Variants in GNB4 observed in about 807,000 individuals in gnomAD.
GNB4 encodes G protein subunit beta 4.
A neutral mutation model predicts 45.2 loss-of-function variants in GNB4; 28 were observed. The ratio of observed to expected loss-of-function variants is 0.62; its 90% CI spans 0.46 to 0.85. The LOEUF (loss-of-function observed/expected upper bound fraction) is 0.85. Ranked by LOEUF, GNB4 falls within the 40% of genes least tolerant of loss-of-function variation. GNB4 has a pLI of 0.00. For synonymous variants in GNB4, 132 were observed against 143.7 expected, an observed-to-expected ratio of 0.92 and a Z score of 0.58; for missense variants, 321 against 425.4, an observed-to-expected ratio of 0.75 and a Z score of 2.16.
chr3:179,401,885 G>C (rs943205218), intron 9 of GNB4, among the ~76,000 whole-genome samples: 3 of 152,094 alleles, frequency 2.0e-5, no homozygotes, highest in Non-Finnish European at 4.4e-5. Flanking sequence ...AACTCATCTA[G>C]TTTTCATTTC....
At chr3:179,476,433 TC>T in the GNB4 span, among the ~76,000 whole-genome samples, 1 of 152,220 alleles carries the variant, frequency 6.6e-6, no homozygotes, top group African/African-American at 2.4e-5. Flanking sequence ...GGAGTCTTGT[TC>T]CTGCAGCTCT....
Position 179,400,873 on chromosome 3 carries a change from T to C in GNB4, c.*340A>G. 5.7e-6 allele frequency: 1 copy of C among 176,208 alleles called. No individual in the cohort carries two copies. Among genetic ancestry groups the C allele is most frequent in the Non-Finnish European group, 1.2e-5 (1 of 84,450 alleles). The allele number at this position is 176,208 out of a possible 1,614,324, so 10.9% of individuals were successfully genotyped here. A position where few individuals can be genotyped will look rare whatever the true frequency, so the allele number is the denominator to read the frequency against. On this transcript the variant is annotated 3_prime_UTR_variant, in exon 10 of 10. Coordinates refer to ENST00000232564, the MANE Select transcript of GNB4 (RefSeq NM_021629.4). ...TCTTGTGTATACAAAGTTAAAAATG[T>C]ACTTCTTAAAAAATGCAAACACAAT...
chr3:179,470,789 T>C, the GNB4 span, among the ~76,000 whole-genome samples: 1 of 152,074 alleles, frequency 6.6e-6, no homozygotes, highest in Non-Finnish European at 1.5e-5. Flanking sequence ...CAAGAAAATA[T>C]TTTTATATAG....
At chr3:179,519,778 C>T in the GNB4 span, among the ~76,000 whole-genome samples, 35 of 152,204 alleles carry the variant, frequency 2.3e-4, no homozygotes, top group Non-Finnish European at 4.0e-4. Flanking sequence ...ACTCCCTCCT[C>T]GGCAACCGAT....
At chr3:179,521,598 T>C in the GNB4 span, among the ~76,000 whole-genome samples, 9 of 152,170 alleles carry the variant, frequency 5.9e-5, no homozygotes, top group Non-Finnish European at 1.0e-4. Context: ...ACGCTGCCAG[T>C]TTACACTGTT....
At chr3:179,526,122 G>A in the GNB4 span, among the ~76,000 whole-genome samples, 1 of 152,218 alleles carries the variant, frequency 6.6e-6, no homozygotes. Flanking sequence ...GAAAATTACA[G>A]TCAAAAGGGG....
upstream of GNB4, among the ~76,000 whole-genome samples, chr3:179,455,985 C>T (rs1715970368): frequency 6.6e-6 from 1 of 152,118 alleles, no homozygotes; most frequent in Middle Eastern, 3.2e-3. Context: ...AGCAAGTGTT[C>T]CAAGAGAACA....
chr3:179,454,349 A>G (rs1715946637), upstream of GNB4, among the ~76,000 whole-genome samples: 1 of 152,234 alleles, frequency 6.6e-6, no homozygotes, highest in African/African-American at 2.4e-5. Context: ...CCACGAACAA[A>G]TAAATGAGTG....
At chr3:179,451,167 T>A (rs1715863174) in intron 1 of GNB4, 179 bp downstream of exon 1, 3 of 151,768 alleles carry the variant, frequency 2.0e-5, no homozygotes, top group Admixed American at 2.0e-4. Flanking sequence ...AGGCGCGCCC[T>A]CCTCGTCCCT....
intron 8 of GNB4, among the ~76,000 whole-genome samples, chr3:179,409,578 G>A (rs1011624524): frequency 1.3e-5 from 2 of 151,702 alleles, no homozygotes; most frequent in East Asian, 1.9e-4. Context: ...TTGGGAGGCC[G>A]AGGCAGGCAG....
At chr3:179,504,612 A>G in the GNB4 span, among the ~76,000 whole-genome samples, 487 of 152,318 alleles carry the variant, frequency 3.2e-3, 2 homozygotes, top group African/African-American at 0.011. Context: ...CTCTGCAGGT[A>G]TTTGGAGGAC....
At chr3:179,521,156 C>T in the GNB4 span, among the ~76,000 whole-genome samples, 13 of 152,116 alleles carry the variant, frequency 8.5e-5, no homozygotes, top group East Asian at 1.9e-4. Flanking sequence ...TCTAAGAAGG[C>T]GACCGTGGTC....
the GNB4 span, among the ~76,000 whole-genome samples, chr3:179,507,901 C>T: frequency 2.7e-3 from 418 of 152,304 alleles, 4 homozygotes; most frequent in African/African-American, 9.9e-3. Context: ...GCACAAAAAA[C>T]GTTGATGTTA....
Position 179,439,601 on chromosome 3 carries a change from A to G in GNB4, c.-43+11745T>C, listed in dbSNP as rs969640955. ...AGCTTATCTTCACAGGCGTGGGGAC[A>G]TAGGACAGGACTCAAAATCATCCCT... On this transcript the variant is annotated intron_variant, in intron 1 of 9. Transcript: ENST00000232564. Among the ~76,000 whole-genome samples the G allele has an allele frequency of 2.6e-5, 4 of 152,250 alleles. No individual in the cohort carries two copies. The East Asian group carries it at 5.8e-4, about 22-fold the overall frequency.
the GNB4 span, among the ~76,000 whole-genome samples, chr3:179,513,632 C>G: frequency 2.6e-5 from 4 of 152,154 alleles, no homozygotes; most frequent in Admixed American, 2.6e-4. Context: ...CAAAGCCCTC[C>G]TTTTTTATTT....
At chr3:179,428,150 GTATT>G (rs1715200482) in intron 1 of GNB4, among the ~76,000 whole-genome samples, 1 of 152,086 alleles carries the variant, frequency 6.6e-6, no homozygotes, top group Non-Finnish European at 1.5e-5. Flanking sequence ...AATTCACTTT[GTATT>G]TATTTTGTCC....
chr3:179,486,548 T>C, the GNB4 span, among the ~76,000 whole-genome samples: 4 of 152,180 alleles, frequency 2.6e-5, no homozygotes, highest in Non-Finnish European at 4.4e-5. Context: ...AGAATATCCC[T>C]GACATCTCTT....
In GNB4 at chr3:179,400,847, T is replaced by C. The variant is rs1714274457; in HGVS notation, c.*366A>G. 6.3e-6 allele frequency: 1 copy of C among 160,000 alleles called. No individual in the cohort carries two copies. Among genetic ancestry groups the C allele is most frequent in the East Asian group, 1.8e-4 (1 of 5,570 alleles). The allele number at this position is 160,000 out of a possible 1,614,324, so 9.9% of individuals were successfully genotyped here. The stretch of plus-strand genomic sequence containing the variant: ...ATTACAAAACTCAAAAATATGACAT[T>C]TCTTGTGTATACAAAGTTAAAAATG... On this transcript the variant is annotated 3_prime_UTR_variant, in exon 10 of 10. Coordinates refer to ENST00000232564, the MANE Select transcript of GNB4 (RefSeq NM_021629.4).
the GNB4 span, among the ~76,000 whole-genome samples, chr3:179,481,958 A>G: frequency 6.6e-6 from 1 of 152,028 alleles, no homozygotes; most frequent in South Asian, 2.1e-4. Context: ...GCTGGAGTGC[A>G]GTGACACAAT....
Sources: gnomAD v4.1 joint callset for allele counts (sites outside exome capture counted in the v4.1 genomes callset) on GRCh38, gnomAD v4.1.1 for gene constraint, MANE v1.5 for transcripts, NCBI Gene and HGNC (gene_info 2026-07-23, HGNC 2026-07-21) for gene names.